MTHFD2L: variants seen among roughly 807,000 people sequenced by gnomAD.
MTHFD2L encodes bifunctional methylenetetrahydrofolate dehydrogenase/cyclohydrolase 2, mitochondrial.
In MTHFD2L, 29 loss-of-function variants were observed where a neutral mutation model predicts 34.9. The observed-to-expected ratio is 0.83, with a 90% confidence interval of 0.62 to 1.13. The LOEUF is 1.13. Ranked by LOEUF, MTHFD2L falls within the 50% of genes most tolerant of loss-of-function variation. The pLI is 0.00. For synonymous variants in MTHFD2L, 167 were observed against 155.7 expected (o/e 1.07, Z -0.54); for missense variants, 481 against 446.5 (o/e 1.08, Z -0.70).
At chr4:74,186,176 A>G (rs1365166665) in intron 3 of MTHFD2L, among the ~76,000 whole-genome samples, 1 of 152,086 alleles carries the variant, frequency 6.6e-6, no homozygotes. Context: ...AAATTTCATC[A>G]TTAATTCCTG....
chr4:74,175,872 T>C (rs1578353127), intron 3 of MTHFD2L, among the ~76,000 whole-genome samples: 2 of 152,110 alleles, frequency 1.3e-5, no homozygotes, highest in African/African-American at 4.8e-5. Context: ...GTGTATGATA[T>C]CTTTGCAAAA....
intron 3 of MTHFD2L, among the ~76,000 whole-genome samples, chr4:74,177,754 T>G (rs192410517): frequency 6.6e-6 from 1 of 152,038 alleles, no homozygotes; most frequent in East Asian, 1.9e-4. Flanking sequence ...TGTATATATA[T>G]CCAAATGTCA....
At chr4:74,291,697 C>G (rs942980495) in intron 7 of MTHFD2L, among the ~76,000 whole-genome samples, 3 of 152,134 alleles carry the variant, frequency 2.0e-5, no homozygotes, top group African/African-American at 7.2e-5. Context: ...TAGTTTGGCA[C>G]TGCTTACTCC....
chr4:74,227,221 C>T (rs960462085), intron 6 of MTHFD2L, among the ~76,000 whole-genome samples: 1 of 152,180 alleles, frequency 6.6e-6, no homozygotes, highest in African/African-American at 2.4e-5. Flanking sequence ...CTTCCTCCTG[C>T]ATCGATAGCT....
At chr4:74,182,468 A>G (rs975578145) in intron 3 of MTHFD2L, among the ~76,000 whole-genome samples, 1 of 152,166 alleles carries the variant, frequency 6.6e-6, no homozygotes, top group African/African-American at 2.4e-5. Flanking sequence ...CATATTTTAT[A>G]ACTTGAATAA....
chr4:74,128,732 A>G (rs1430182511), intron 1 of MTHFD2L, among the ~76,000 whole-genome samples: 1 of 152,014 alleles, frequency 6.6e-6, no homozygotes, highest in Non-Finnish European at 1.5e-5. Flanking sequence ...TGTAAATTTG[A>G]GAATTTTTTT....
chr4:74,139,981 G>T (rs966240989), intron 1 of MTHFD2L, among the ~76,000 whole-genome samples: 1 of 152,042 alleles, frequency 6.6e-6, no homozygotes, highest in Non-Finnish European at 1.5e-5. Context: ...AGGTAAAATA[G>T]TAATAAGGGA....
intron 3 of MTHFD2L, chr4:74,190,533 C>T (rs1158226440): frequency 1.4e-5 from 14 of 985,222 alleles, no homozygotes; most frequent in Non-Finnish European, 1.7e-5. Context: ...TCCAGTCTAC[C>T]TCCAAGCTCC....
chr4:74,244,394 G>A (rs1430807788), intron 6 of MTHFD2L, among the ~76,000 whole-genome samples: 3 of 152,162 alleles, frequency 2.0e-5, no homozygotes, highest in Admixed American at 2.0e-4. Flanking sequence ...TCTAGTAATA[G>A]GTTCCAAAGT....
intron 6 of MTHFD2L, among the ~76,000 whole-genome samples, chr4:74,276,671 C>G (rs1173992971): frequency 4.6e-5 from 7 of 152,078 alleles, no homozygotes; most frequent in African/African-American, 1.7e-4. Flanking sequence ...CACATCAAGT[C>G]TAAGAACTTT....
At chr4:74,225,448 G>A in intron 6 of MTHFD2L, 54 bp downstream of exon 6, 2 of 1,400,664 alleles carry the variant, frequency 1.4e-6, no homozygotes, top group Admixed American at 1.8e-5. Flanking sequence ...AATAATTCCT[G>A]CCCTAAATGC....
upstream of MTHFD2L, chr4:74,156,854 T>G (rs1724308773): frequency 6.6e-6 from 1 of 152,198 alleles, no homozygotes; most frequent in Non-Finnish European, 1.5e-5. Context: ...ATGCCTTTTT[T>G]GGTGGGTGTT....
At chr4:74,266,874 G>A (rs931389230) in intron 6 of MTHFD2L, 23 of 985,234 alleles carry the variant, frequency 2.3e-5, no homozygotes, top group African/African-American at 8.7e-5. Context: ...TTGTAAAAAA[G>A]TAATTTGTTT....
In MTHFD2L at chr4:74,199,918, T is replaced by A; in HGVS notation, c.576T>A (p.Ser192Arg). 6.2e-7 allele frequency: 1 copy of A among 1,614,030 alleles called. No homozygotes were observed. Among genetic ancestry groups the A allele is most frequent in the South Asian group, 1.1e-5 (1 of 91,078 alleles). The change falls in exon 4 of 8, where the codon AGT (serine) becomes AGA (arginine). Residue 192 changes from serine (S) to arginine (R), a missense_variant. Coordinates refer to ENST00000325278, the MANE Select transcript of MTHFD2L (RefSeq NM_001144978.3). ...DQHSLIPATA[S>R]AVWEIIKRTG... ...ATTCTCTCATACCTGCCACTGCCAG[T>A]GCTGTTTGGGAAATAATAAAAAGAA... is the stretch of plus-strand genomic sequence containing the variant.
At chr4:74,239,574 T>C (rs1414077637) in intron 6 of MTHFD2L, among the ~76,000 whole-genome samples, 1 of 152,142 alleles carries the variant, frequency 6.6e-6, no homozygotes, top group Non-Finnish European at 1.5e-5. Context: ...TAATTGCTCA[T>C]TTTAAAAATG....
chr4:74,205,945 C>G (rs1489440253), intron 5 of MTHFD2L, among the ~76,000 whole-genome samples: 5 of 152,022 alleles, frequency 3.3e-5, no homozygotes, highest in Admixed American at 2.0e-4. Context: ...CTTCTCAAAA[C>G]TCATGGCTAA....
chr4:74,245,345 A>C (rs1253494966), intron 6 of MTHFD2L, among the ~76,000 whole-genome samples: 3 of 151,950 alleles, frequency 2.0e-5, no homozygotes, highest in Non-Finnish European at 2.9e-5. Context: ...ATTTATTTTA[A>C]CATGTAATAG....
chr4:74,178,753 T>G (rs1231971138), intron 3 of MTHFD2L, among the ~76,000 whole-genome samples: 5 of 152,114 alleles, frequency 3.3e-5, no homozygotes, highest in African/African-American at 7.2e-5. Context: ...AATGGCACTT[T>G]GTATTTATTA....
intron 6 of MTHFD2L, among the ~76,000 whole-genome samples, chr4:74,273,545 A>G (rs1578681504): frequency 6.6e-6 from 1 of 152,186 alleles, no homozygotes; most frequent in East Asian, 1.9e-4. Flanking sequence ...TTATTCCTTT[A>G]TGTTCTAAGG....
Sources: allele counts gnomAD v4.1 joint callset (sites outside exome capture counted in the v4.1 genomes callset), GRCh38; gene constraint gnomAD v4.1.1; transcripts MANE v1.5; gene names NCBI Gene and HGNC (gene_info 2026-07-23, HGNC 2026-07-21).